The following GOLGA4 variants were observed in gnomAD, a reference collection of about 807,000 sequenced individuals.
GOLGA4 encodes golgin subfamily A member 4.
In GOLGA4, 169 loss-of-function variants were observed where a neutral mutation model predicts 265.9. The ratio of observed to expected loss-of-function variants is 0.64; its 90% CI spans 0.56 to 0.72. The LOEUF is 0.72. GOLGA4 is among the 30% of genes least tolerant of loss of function. The pLI is 0.00. For synonymous variants in GOLGA4, 923 were observed against 855.8 expected (o/e 1.08, Z -1.37); for missense variants, 2,482 against 2,483.4 (o/e 1.00, Z 0.01).
chr3:37,261,503 T>A (rs1481228118), intron 2 of GOLGA4, among the ~76,000 whole-genome samples: 1 of 152,154 alleles, frequency 6.6e-6, no homozygotes, highest in African/African-American at 2.4e-5. Flanking sequence ...CTATGGAAAA[T>A]GATTTGAGTA....
chr3:37,296,270 G>A (rs762851133), intron 7 of GOLGA4, 51 bp downstream of exon 7: 1 of 1,579,044 alleles, frequency 6.3e-7, no homozygotes, highest in East Asian at 2.3e-5. Context: ...GGAGAGCCAG[G>A]CTCCTTGGCT....
In GOLGA4 at chr3:37,268,376, G is replaced by A. The variant is rs2096789201; in HGVS notation, c.163-13582G>A. ...TTGGATTACAGACATGAGCCACTAT[G>A]TCTGGCCCAATTTACTTTGAAAAGC... On this transcript the variant is annotated intron_variant, in intron 2 of 23. Coordinates refer to ENST00000361924, the MANE Select transcript of GOLGA4 (RefSeq NM_002078.5). Among the ~76,000 whole-genome samples, 3 of 151,778 alleles carry A rather than the reference G, an allele frequency of 2.0e-5. No homozygotes were observed. In the South Asian group the frequency reaches 6.2e-4, roughly 31 times the overall value.
chr3:37,338,828 GAAT>G (rs1271192749), intron 19 of GOLGA4, among the ~76,000 whole-genome samples: 2 of 150,270 alleles, frequency 1.3e-5, no homozygotes, highest in Non-Finnish European at 1.5e-5. Context: ...CATATAAATG[GAAT>G]AATAACAATA....
intron 2 of GOLGA4, among the ~76,000 whole-genome samples, chr3:37,257,780 T>C (rs1047305904): frequency 2.0e-5 from 3 of 150,930 alleles, no homozygotes; most frequent in Non-Finnish European, 4.4e-5. Context: ...CACTTCCTTA[T>C]TTATTAGAGG....
rs144205536 is a variant in GOLGA4 at position 37,327,219 on chromosome 3, T to C, written c.5333T>C (p.Ile1778Thr). 3 of 1,613,860 alleles carry C rather than the reference T, an allele frequency of 1.9e-6. No individual in the cohort carries two copies. The Admixed American group carries it at 5.0e-5, about 27-fold the overall frequency. ...CGATGCCAATACCAGGAGCGCTTAA[T>C]AAAGCTAGAACATGCTGAGGCAAAG... Reference protein sequence around the residue: ...EMRCQYQERLIKLEHAEAKQH... With the variant: ...EMRCQYQERLTKLEHAEAKQH... Residue 1778 changes from isoleucine to threonine, a missense_variant, in exon 14 of 24, where the codon ATA (isoleucine) becomes ACA (threonine). Coordinates refer to ENST00000361924, the MANE Select transcript of GOLGA4 (RefSeq NM_002078.5).
intron 2 of GOLGA4, among the ~76,000 whole-genome samples, chr3:37,251,865 G>A (rs969474206): frequency 7.2e-5 from 11 of 152,026 alleles, no homozygotes; most frequent in Non-Finnish European, 1.6e-4. Context: ...TAAATTTTTC[G>A]TAGACGGGGT....
intron 1 of GOLGA4, 110 bp downstream of exon 1, chr3:37,243,732 A>C: frequency 3.5e-6 from 3 of 868,078 alleles, no homozygotes; most frequent in Non-Finnish European, 5.4e-6. Flanking sequence ...TTAACCCCTA[A>C]CCCGCACTTT....
chr3:37,323,052 A>G (rs1396905773), intron 13 of GOLGA4, among the ~76,000 whole-genome samples: 1 of 151,850 alleles, frequency 6.6e-6, no homozygotes, highest in South Asian at 2.1e-4. Context: ...AGGTTCCCCA[A>G]GTAAATAGAA....
At chr3:37,248,825 G>T (rs1042772851) in intron 1 of GOLGA4, among the ~76,000 whole-genome samples, 1 of 152,170 alleles carries the variant, frequency 6.6e-6, no homozygotes, top group Non-Finnish European at 1.5e-5. Context: ...TTTCAGATTT[G>T]CAGTGAGGTA....
At chr3:37,287,873 T>G (rs988034057) in intron 4 of GOLGA4, among the ~76,000 whole-genome samples, 3 of 152,196 alleles carry the variant, frequency 2.0e-5, no homozygotes, top group Non-Finnish European at 2.9e-5. Context: ...TTTGCCTGTC[T>G]GTATCCCCTT....
At chr3:37,288,481 GT>G (rs1171164274) in intron 4 of GOLGA4, among the ~76,000 whole-genome samples, 2,258 of 136,280 alleles carry the variant, frequency 0.017, 47 homozygotes, top group African/African-American at 0.055. Context: ...TTTCTGGATG[GT>G]TTTTTTTTTT....
At chr3:37,320,649 G>A (rs1559423625) in intron 12 of GOLGA4, among the ~76,000 whole-genome samples, 1 of 152,166 alleles carries the variant, frequency 6.6e-6, no homozygotes, top group Non-Finnish European at 1.5e-5. Context: ...AATTAAAAAT[G>A]GGGGCAAGAA....
chr3:37,342,097 C>G (rs2097037346), intron 20 of GOLGA4, among the ~76,000 whole-genome samples: 1 of 152,114 alleles, frequency 6.6e-6, no homozygotes, highest in Non-Finnish European at 1.5e-5. Context: ...AATCCCAGCA[C>G]TTTGGGAGGC....
At chr3:37,248,216 C>T (rs1226050576) in intron 1 of GOLGA4, among the ~76,000 whole-genome samples, 3 of 152,268 alleles carry the variant, frequency 2.0e-5, no homozygotes, top group South Asian at 2.1e-4. Flanking sequence ...CTCAAGTGAT[C>T]GTCTTGCCTT....
intron 20 of GOLGA4, among the ~76,000 whole-genome samples, chr3:37,344,783 A>G (rs577150600): frequency 1.3e-5 from 2 of 152,340 alleles, no homozygotes; most frequent in South Asian, 2.1e-4. Flanking sequence ...TAATGCATAC[A>G]TACACATTCC....
intron 2 of GOLGA4, among the ~76,000 whole-genome samples, chr3:37,252,880 G>C (rs919704659): frequency 1.3e-5 from 2 of 151,866 alleles, no homozygotes; most frequent in African/African-American, 4.8e-5. Flanking sequence ...GTTTTTTGTT[G>C]AATATATATC....
rs1289636470 is a variant in GOLGA4 at position 37,285,081 on chromosome 3, A to C, written c.478-933A>C. ...ATGCTTCCTCTTAAACCTGCAGCTT[A>C]TCTCTTTAGCACTTCCAAAGTAGGG... is the stretch of plus-strand genomic sequence containing the variant. On this transcript the variant is annotated intron_variant, in intron 3 of 23. Transcript: ENST00000361924. 2.0e-5 allele frequency among the ~76,000 whole-genome samples: 3 copies of C among 151,890 alleles called. 1 individual carries two copies. Among genetic ancestry groups the C allele is most frequent in the Non-Finnish European group, 1.5e-5 (1 of 67,988 alleles).
intron 20 of GOLGA4, among the ~76,000 whole-genome samples, chr3:37,344,376 A>G (rs527285784): frequency 5.9e-5 from 9 of 152,132 alleles, no homozygotes; most frequent in Non-Finnish European, 1.2e-4. Context: ...TGCTGGGTCT[A>G]TAGGCATGAG....
chr3:37,364,859 C>T (rs1696626874), intron 23 of GOLGA4, among the ~76,000 whole-genome samples: 1 of 151,890 alleles, frequency 6.6e-6, no homozygotes. Context: ...CCCAAAAGTG[C>T]TGGGATTATA....
Sources: gnomAD v4.1 joint callset for allele counts (sites outside exome capture counted in the v4.1 genomes callset) on GRCh38, gnomAD v4.1.1 for gene constraint, MANE v1.5 for transcripts, NCBI Gene and HGNC (gene_info 2026-07-23, HGNC 2026-07-21) for gene names.